Variants in PDK2 observed in about 807,000 individuals in gnomAD.
PDK2 encodes the protein pyruvate dehydrogenase kinase, isozyme 2.
A neutral mutation model predicts 50.4 loss-of-function variants in PDK2; 34 were observed. That is an observed-to-expected ratio of 0.68 (90% CI 0.51 to 0.90). PDK2 has a LOEUF of 0.90. Among genes scored for constraint, PDK2 ranks in the 40% least tolerant of loss-of-function variants. The pLI is 0.00. For synonymous variants in PDK2, 232 were observed against 216.0 expected (o/e 1.07, Z -0.65); for missense variants, 377 against 544.5 (o/e 0.69, Z 3.06).
At position 50,101,273 on chromosome 17, in the gene PDK2, C is replaced by T. The variant is rs1168132206; in HGVS notation, c.260+3709C>T. On this transcript the variant is annotated intron_variant, in intron 2 of 10. Transcript: ENST00000503176. The surrounding 1 kb of genome is among the most constrained non-coding windows in gnomAD (Gnocchi z 4.2). The stretch of plus-strand genomic sequence containing the variant: ...AGCTCTCCAAACCCGTCAGCCGCTC[C>T]TTGCATGACCGAGCAGGACCGACCA... 6.6e-6 allele frequency among the ~76,000 whole-genome samples: 1 copy of T among 152,160 alleles called. No homozygotes were observed. Among genetic ancestry groups the T allele is most frequent in the Non-Finnish European group, 1.5e-5 (1 of 68,014 alleles).
rs1050812660 is a variant in PDK2, at chr17:50,111,202, T to A, written c.*1105T>A. ...GTGAGTAAAACACTGGGCAAAGCCATCTGTTCAGAACGCCGGATGGCCCAG... is the reference window on the plus strand; with the variant it reads ...GTGAGTAAAACACTGGGCAAAGCCAACTGTTCAGAACGCCGGATGGCCCAG... On this transcript the variant is annotated 3_prime_UTR_variant, in exon 11 of 11. Coordinates refer to ENST00000503176, the MANE Select transcript of PDK2 (RefSeq NM_002611.5). The A allele has an allele frequency of 6.6e-6, 1 of 152,270 alleles. No individual in the cohort carries two copies. Among genetic ancestry groups the A allele is most frequent in the Non-Finnish European group, 1.5e-5 (1 of 68,096 alleles). The allele number at this position is 152,270 out of a possible 1,614,324, so 9.4% of individuals were successfully genotyped here.
chr17:50,109,791 C>T lies in PDK2; in HGVS notation c.1084-166C>T, dbSNP rs573592971. On this transcript the variant is annotated intron_variant, in intron 10 of 10. Transcript: ENST00000503176. This position sits in a 1 kb window ranked among gnomAD's most constrained non-coding sequence, Gnocchi z 5.0. Reference sequence around the variant, plus strand: ...CCTCTCCCTCCCTTAGAGGGAGCTGCTTGCTTGAATGGGCAGGAGCGGGAC... The same window carrying T: ...CCTCTCCCTCCCTTAGAGGGAGCTGTTTGCTTGAATGGGCAGGAGCGGGAC... Among the ~76,000 whole-genome samples, 41 of 152,268 alleles carry T rather than the reference C, an allele frequency of 2.7e-4. No homozygotes were observed. Among genetic ancestry groups the T allele is most frequent in the African/African-American group, 8.4e-4 (35 of 41,554 alleles).
intron 4 of PDK2, 85 bp from the exon 5 acceptor site, chr17:50,106,709 A>T (rs1910534253): frequency 8.0e-6 from 9 of 1,118,422 alleles, no homozygotes; most frequent in Non-Finnish European, 1.2e-5. Context: ...AGGTGAAAGT[A>T]GAAAGAGGAG....
At chr17:50,107,245 T>C (rs1258417754) in intron 6 of PDK2, 92 bp downstream of exon 6, 1 of 915,644 alleles carries the variant, frequency 1.1e-6, no homozygotes, top group African/African-American at 1.6e-5. Flanking sequence ...GACTGTTTTC[T>C]AGACAGGGGA....
chr17:50,109,387 T>A lies in PDK2; in HGVS notation c.1070T>A (p.Val357Asp), dbSNP rs752459048. ...ATGGAAGGCTTTGGGACCGATGCTG[T>A]CATCTATCTCAAGGTGAGGGCCCTT... Reference protein sequence around the residue: ...FSMEGFGTDAVIYLKALSTDS... With the variant: ...FSMEGFGTDADIYLKALSTDS... Residue 357 changes from valine (V) to aspartate (D), a missense_variant, in exon 10 of 11, where the codon GTC (valine) becomes GAC (aspartate). By Grantham distance (152) the Val-to-Asp change is radical (BLOSUM62 -3). This residue lies in a region of PDK2 where 214 missense variants were observed against 294.0 expected (regional missense o/e 0.73). Transcript: ENST00000503176. This position sits in a 1 kb window ranked among gnomAD's most constrained non-coding sequence, Gnocchi z 5.0. 6.2e-7 allele frequency: 1 copy of A among 1,608,656 alleles called. No individual in the cohort carries two copies. The highest frequency in any genetic ancestry group is 2.2e-5 in the East Asian group (1 of 44,766).
chr17:50,109,943 C>G lies in PDK2; in HGVS notation c.1084-14C>G. The G allele has an allele frequency of 6.5e-7, 1 of 1,530,358 alleles. No individual in the cohort carries two copies. The highest frequency in any genetic ancestry group is 8.8e-7 in the Non-Finnish European group (1 of 1,131,354). 94.8% of individuals were successfully genotyped at this position (1,530,358 alleles called of 1,614,324 possible). On this transcript the variant is annotated splice_polypyrimidine_tract_variant and intron_variant, in intron 10 of 10. Coordinates refer to ENST00000503176, the MANE Select transcript of PDK2 (RefSeq NM_002611.5). The surrounding 1 kb of genome is among the most constrained non-coding windows in gnomAD (Gnocchi z 5.0). Reference sequence around the variant, plus strand: ...CACAGGGAGGTGGGAGGGGCTGACCCTGACACTCCCCAGGCCCTGTCCACG... The same window carrying G: ...CACAGGGAGGTGGGAGGGGCTGACCGTGACACTCCCCAGGCCCTGTCCACG...
Position 50,109,344 on chromosome 17 carries a change from G to T in PDK2, c.1027G>T (p.Asp343Tyr). The change falls in exon 10 of 11, where the codon GAC (aspartate) becomes TAC (tyrosine). Residue 343 changes from aspartate (D) to tyrosine (Y), a missense_variant. Physicochemically the swap from Asp to Tyr is radical, Grantham distance 160 (BLOSUM62 -3). Transcript: ENST00000503176. This position sits in a 1 kb window ranked among gnomAD's most constrained non-coding sequence, Gnocchi z 5.0. ...CCTCTACGCCAAGTACTTCCAGGGA[G>T]ACCTGCAGCTCTTCTCCATGGAAGG... The part of the protein sequence containing the change: ...SRLYAKYFQG[D>Y]LQLFSMEGFG... 1.2e-6 allele frequency: 2 copies of T among 1,613,762 alleles called. No individual in the cohort carries two copies.
Position 50,108,419 on chromosome 17 carries a change from T to C in PDK2, c.861+2T>C. On this transcript the variant is annotated splice_donor_variant, in intron 8 of 10. Transcript: ENST00000503176. LOFTEE classifies it high-confidence loss of function. ...GGTGAGGAAGATCTGTCCATCAAGG[T>C]ATGTGACCCTTTGACCTTGGGGACC... 1 of 1,609,358 alleles carries C rather than the reference T, an allele frequency of 6.2e-7. No homozygotes were observed. The highest frequency in any genetic ancestry group is 8.5e-7 in the Non-Finnish European group (1 of 1,175,820).
At chr17:50,099,835 C>T (rs1238142665) in intron 2 of PDK2, among the ~76,000 whole-genome samples, 4 of 152,192 alleles carry the variant, frequency 2.6e-5, no homozygotes, top group Admixed American at 6.5e-5. Flanking sequence ...GAGAGCAGGC[C>T]GAGGGATTGC....
intron 2 of PDK2, among the ~76,000 whole-genome samples, chr17:50,102,877 C>T (rs1239483191): frequency 6.6e-6 from 1 of 152,194 alleles, no homozygotes; most frequent in Non-Finnish European, 1.5e-5. Flanking sequence ...CCGTCAGGGC[C>T]CGTGTTGGCC....
intron 6 of PDK2, 113 bp from the exon 7 acceptor site, chr17:50,108,043 C>G: frequency 1.3e-5 from 10 of 792,624 alleles, no homozygotes; most frequent in Admixed American, 6.6e-5. Context: ...TAGTCTCTCG[C>G]TGGGCAGCCA....
intron 9 of PDK2, 133 bp downstream of exon 9, chr17:50,108,852 C>T (rs991406332): frequency 2.8e-5 from 18 of 636,054 alleles, no homozygotes; most frequent in African/African-American, 2.2e-4. Context: ...TCTGGGCCCC[C>T]GCACCTCCCA....
intron 2 of PDK2, among the ~76,000 whole-genome samples, chr17:50,098,028 A>T (rs1910038907): frequency 6.6e-6 from 1 of 152,246 alleles, no homozygotes; most frequent in South Asian, 2.1e-4. Context: ...AAATACTCAG[A>T]TACACACAAG....
At position 50,095,500 on chromosome 17, in the gene PDK2, A is replaced by G; in HGVS notation, c.65A>G (p.His22Arg). Residue 22 changes from histidine (H) to arginine (R), a missense_variant, in exon 1 of 11, where the codon CAC becomes CGC. Transcript: ENST00000503176. ...GCAGGGGCGCCCAAGTACATAGAGC[A>G]CTTCAGCAAGTTCTCCCCGTCCCCG... ...SLAGAPKYIEHFSKFSPSPLS... is the reference protein window; with the variant it reads ...SLAGAPKYIERFSKFSPSPLS... 1 of 1,607,160 alleles carries G rather than the reference A, an allele frequency of 6.2e-7. No individual in the cohort carries two copies. Among genetic ancestry groups the G allele is most frequent in the Non-Finnish European group, 8.5e-7 (1 of 1,177,064 alleles).
At chr17:50,095,705 G>A in intron 1 of PDK2, 152 bp downstream of exon 1, 2 of 1,433,192 alleles carry the variant, frequency 1.4e-6, no homozygotes, top group Non-Finnish European at 1.8e-6. Context: ...TAATGGGGAA[G>A]CAGGAACCGG....
chr17:50,097,664 G>A, intron 2 of PDK2, 100 bp downstream of exon 2: 2 of 1,437,014 alleles, frequency 1.4e-6, no homozygotes, highest in Non-Finnish European at 9.5e-7. Context: ...TGAGGGTGGG[G>A]TGGGGACAGA....
At position 50,101,284 on chromosome 17, in the gene PDK2, G is replaced by A. The variant is rs144611118; in HGVS notation, c.260+3720G>A. On this transcript the variant is annotated intron_variant, in intron 2 of 10. Coordinates refer to ENST00000503176, the MANE Select transcript of PDK2 (RefSeq NM_002611.5). This position sits in a 1 kb window ranked among gnomAD's most constrained non-coding sequence, Gnocchi z 4.2. ...CCCGTCAGCCGCTCCTTGCATGACC[G>A]AGCAGGACCGACCACTTACTGCGCA... Among the ~76,000 whole-genome samples the A allele has an allele frequency of 2.6e-5, 4 of 152,274 alleles. No homozygotes were observed. The highest frequency in any genetic ancestry group is 4.4e-5 in the Non-Finnish European group (3 of 68,016).
rs1193119238 is a variant in PDK2 at position 50,101,651 on chromosome 17, C to A, written c.261-3720C>A. Among the ~76,000 whole-genome samples the A allele has an allele frequency of 1.3e-5, 2 of 152,174 alleles. No individual in the cohort carries two copies. The highest frequency in any genetic ancestry group is 4.8e-5 in the African/African-American group (2 of 41,434). ...ACACTCCCCCGCTGGCTCAGCACCCCCTCTGCTCCCACACAGGGCTGCAGG... is the reference window on the plus strand; with the variant it reads ...ACACTCCCCCGCTGGCTCAGCACCCACTCTGCTCCCACACAGGGCTGCAGG... On this transcript the variant is annotated intron_variant, in intron 2 of 10. Coordinates refer to ENST00000503176, the MANE Select transcript of PDK2 (RefSeq NM_002611.5). The surrounding 1 kb of genome is among the most constrained non-coding windows in gnomAD (Gnocchi z 4.2).
chr17:50,096,233 C>T (rs3785921), intron 1 of PDK2: 109,349 of 985,352 alleles, frequency 0.11, 7,100 homozygotes, highest in East Asian at 0.34. Flanking sequence ...CCCCAGGCAC[C>T]GTGATGTGGA....
Sources: gnomAD v4.1 joint callset for allele counts (sites outside exome capture counted in the v4.1 genomes callset) on GRCh38, gnomAD v4.1.1 for gene constraint, gnomAD v4.1.1 regional missense constraint, Gnocchi (gnomAD v3.1) non-coding constraint, MANE v1.5 for transcripts, NCBI Gene and HGNC (gene_info 2026-07-23, HGNC 2026-07-21) for gene names.